The following MAMLD1 variants were observed in gnomAD, a reference collection of about 807,000 sequenced individuals.
The protein encoded by MAMLD1 is mastermind-like domain-containing protein 1.
MAMLD1 carries 14 observed loss-of-function variants against 45.0 expected under a neutral mutation model. The observed-to-expected ratio is 0.31, with a 90% CI of 0.21 to 0.49. The LOEUF (loss-of-function observed/expected upper bound fraction) is 0.49, where lower values mean the gene tolerates loss of function less well. Among genes scored for constraint, MAMLD1 ranks in the 20% least tolerant of loss-of-function variants. The pLI is 0.99. For missense variants in MAMLD1, 543 were observed against 603.6 expected, an observed-to-expected ratio of 0.90 and a Z score of 1.05; for synonymous variants, 254 against 247.8, an observed-to-expected ratio of 1.02 and a Z score of -0.24.
At chrX:150,417,485 T>C (rs1458342431) in intron 1 of MAMLD1, among the ~76,000 whole-genome samples, 1 of 109,801 alleles carries the variant, frequency 9.1e-6, no homozygotes, top group African/African-American at 3.4e-5. Flanking sequence ...TGCATGTGTC[T>C]TTATAGCAGC....
At chrX:150,478,126 T>A (rs782495701) in intron 5 of MAMLD1, among the ~76,000 whole-genome samples, 3 of 112,320 alleles carry the variant, frequency 2.7e-5, no homozygotes, top group African/African-American at 9.7e-5. Flanking sequence ...ATTACTGCTG[T>A]CTCAATTAGC....
At chrX:150,434,304 A>G (rs1456522053) in intron 1 of MAMLD1, among the ~76,000 whole-genome samples, 1 of 109,503 alleles carries the variant, frequency 9.1e-6, no homozygotes, top group Non-Finnish European at 1.9e-5. Flanking sequence ...TTTTTTCTTT[A>G]TTAATCTATC....
At chrX:150,399,119 G>A (rs887755509) in intron 1 of MAMLD1, among the ~76,000 whole-genome samples, 19 of 112,070 alleles carry the variant, frequency 1.7e-4, no homozygotes, top group African/African-American at 5.2e-4. Flanking sequence ...CTCTACCACA[G>A]TATGGAGGAC....
chrX:150,383,110 T>C (rs2032744592), intron 1 of MAMLD1, among the ~76,000 whole-genome samples: 1 of 33,458 alleles, frequency 3.0e-5, no homozygotes. Context: ...TTCACCGTGT[T>C]AGCCAGGATG....
chrX:150,390,134 T>A, intron 1 of MAMLD1, among the ~76,000 whole-genome samples: 1 of 111,574 alleles, frequency 9.0e-6, no homozygotes, highest in South Asian at 3.8e-4. Context: ...GGTGCAATCG[T>A]TGCTCACTGT....
chrX:150,446,399 G>C (rs1329230637), intron 2 of MAMLD1, among the ~76,000 whole-genome samples: 6 of 111,433 alleles, frequency 5.4e-5, no homozygotes, highest in African/African-American at 1.6e-4. Flanking sequence ...CCTTTTCATA[G>C]AACTGGAAGC....
chrX:150,423,386 T>TGTGTGTGTGTGTG (rs2034590514), intron 1 of MAMLD1, among the ~76,000 whole-genome samples: 48 of 96,911 alleles, frequency 5.0e-4, no homozygotes, highest in Non-Finnish European at 6.4e-4. Flanking sequence ...GTGTGTGTGT[T>TGTGTGTGTGTGTG]TGCACCTTTG....
chrX:150,447,994 T>A (rs1557404876), intron 2 of MAMLD1, among the ~76,000 whole-genome samples: 1 of 111,967 alleles, frequency 8.9e-6, no homozygotes, highest in Non-Finnish European at 1.9e-5. Flanking sequence ...TTCAAATCAA[T>A]CTTGAAATAA....
chrX:150,440,926 TATA>T lies in MAMLD1; in HGVS notation c.-63-4524_-63-4522del, dbSNP rs782365352. Among the ~76,000 whole-genome samples the T allele has an allele frequency of 7.9e-3, 822 of 104,713 alleles. 8 individuals carry two copies. Among genetic ancestry groups the T allele is most frequent in the African/African-American group, 0.027 (788 of 29,371 alleles). 90.9% of individuals were successfully genotyped at this position (104,713 alleles called of 115,157 possible). ...TAAATTTAAAATATTATTTATTAAA[TATA>T]ATATTATTATTTATTATTAAAATAA... On this transcript the variant is annotated intron_variant, in intron 1 of 7. Coordinates refer to ENST00000370401, the MANE Select transcript of MAMLD1 (RefSeq NM_005491.5).
chrX:150,484,597 G>A (rs2036926964), intron 5 of MAMLD1, among the ~76,000 whole-genome samples: 1 of 112,527 alleles, frequency 8.9e-6, no homozygotes, highest in African/African-American at 3.2e-5. Flanking sequence ...CAGCTGGTGG[G>A]CAGAACCACT....
At chrX:150,481,862 G>A (rs2036771885) in intron 5 of MAMLD1, among the ~76,000 whole-genome samples, 1 of 92,523 alleles carries the variant, frequency 1.1e-5, no homozygotes, top group Admixed American at 1.2e-4. Flanking sequence ...AAGAAAGAGA[G>A]AAAGAAAGAA....
At chrX:150,455,870 T>C (rs1465569497) in intron 2 of MAMLD1, among the ~76,000 whole-genome samples, 1 of 108,627 alleles carries the variant, frequency 9.2e-6, no homozygotes, top group East Asian at 2.9e-4. Flanking sequence ...CAGTGTACCC[T>C]GGCACTTGAG....
intron 2 of MAMLD1, among the ~76,000 whole-genome samples, chrX:150,456,429 C>T (rs1359803624): frequency 1.8e-5 from 2 of 111,744 alleles, no homozygotes; most frequent in African/African-American, 6.5e-5. Context: ...AGAAAGTACA[C>T]TGTCCACTGA....
At chrX:150,370,134 G>A (rs1440409928) in intron 1 of MAMLD1, among the ~76,000 whole-genome samples, 2 of 109,480 alleles carry the variant, frequency 1.8e-5, no homozygotes, top group Non-Finnish European at 3.8e-5. Context: ...GATGTCACTG[G>A]GGAGGGAGAT....
At chrX:150,509,448 C>T (rs1376432779) in intron 6 of MAMLD1, 1 of 123,749 alleles carries the variant, frequency 8.1e-6, no homozygotes, top group Non-Finnish European at 1.7e-5. Flanking sequence ...GTCCAATCCC[C>T]ACTCTCATTA....
intron 6 of MAMLD1, chrX:150,509,547 G>A: frequency 1.2e-5 from 2 of 166,449 alleles, no homozygotes; most frequent in Non-Finnish European, 2.3e-5. Context: ...GGCCAAGGCA[G>A]AGTTAGCATA....
At position 150,503,030 on chromosome X, in the gene MAMLD1, G is replaced by C. The variant is rs138105373; in HGVS notation, c.2041-244G>C. ...ATGTAAAATGTTGGTGGGCTGGAAA[G>C]GGGGAGACACCATAAGTGCTTTTTC... On this transcript the variant is annotated intron_variant, in intron 5 of 7. Transcript: ENST00000370401. Among the ~76,000 whole-genome samples the C allele has an allele frequency of 3.1e-3, 348 of 112,320 alleles. 1 individual carries two copies. Among genetic ancestry groups the C allele is most frequent in the African/African-American group, 0.011 (327 of 30,902 alleles).
At position 150,512,038 on chromosome X, in the gene MAMLD1, G is replaced by A. The variant is rs1557409142; in HGVS notation, c.*79G>A. On this transcript the variant is annotated 3_prime_UTR_variant, in exon 8 of 8. Transcript: ENST00000370401. ...AACAAGTCACCTCCAAGTGTAGCCG[G>A]ATCAAGGCAAGCCCCCCATCTAGCA... The A allele has an allele frequency of 1.8e-6, 2 of 1,108,609 alleles. No individual in the cohort carries two copies. The highest frequency in any genetic ancestry group is 3.7e-5 in the African/African-American group (2 of 54,478). 91.4% of individuals were successfully genotyped at this position (1,108,609 alleles called of 1,213,427 possible).
At chrX:150,439,020 C>G (rs782496721) in intron 1 of MAMLD1, among the ~76,000 whole-genome samples, 7 of 112,045 alleles carry the variant, frequency 6.2e-5, no homozygotes, top group Non-Finnish European at 1.1e-4. Context: ...TTATTTTCTT[C>G]TTTTTTAATT....
Sources: gnomAD v4.1 joint callset for allele counts (sites outside exome capture counted in the v4.1 genomes callset) on GRCh38, gnomAD v4.1.1 for gene constraint, MANE v1.5 for transcripts, NCBI Gene and HGNC (gene_info 2026-07-23, HGNC 2026-07-21) for gene names.